The following TRERF1 variants were observed in gnomAD, a reference collection of about 807,000 sequenced individuals.
TRERF1 encodes the protein transcriptional regulating factor 1, also known as transcriptional-regulating factor 1.
Under a neutral mutation model 122.9 loss-of-function variants are expected in TRERF1, and 27 were observed. The ratio of observed to expected loss-of-function variants is 0.22; its 90% CI spans 0.16 to 0.30. The LOEUF is 0.30. TRERF1 is among the 10% of genes least tolerant of loss of function. The pLI, the probability that TRERF1 is intolerant of heterozygous loss-of-function variation, is 1.00. For synonymous variants in TRERF1, 636 were observed against 641.7 expected (o/e 0.99, Z 0.13); for missense variants, 1,248 against 1,560.3 (o/e 0.80, Z 3.37).
At chr6:42,299,067 C>G (rs4714593) in intron 4 of TRERF1, among the ~76,000 whole-genome samples, 1 of 141,568 alleles carries the variant, frequency 7.1e-6, no homozygotes, top group South Asian at 2.1e-4. Flanking sequence ...AGAGCAAGAC[C>G]CTGTCTCTAA....
Position 42,413,453 on chromosome 6 carries a change from CAG to C in TRERF1, c.-454+37722_-454+37723del, listed in dbSNP as rs1157990579. ...ATTTTTTTTTTTTTTTTTTTTGAGA[CAG>C]AGTCTTACTCTGTCACCAGGCTGGA... On this transcript the variant is annotated intron_variant, in intron 2 of 17. Transcript: ENST00000372922. Among the ~76,000 whole-genome samples the C allele has an allele frequency of 3.4e-4, 43 of 127,648 alleles. 1 individual carries two copies. Among genetic ancestry groups the C allele is most frequent in the Admixed American group, 1.6e-3 (18 of 11,602 alleles). 83.7% of individuals were successfully genotyped at this position (127,648 alleles called of 152,430 possible). A position where few individuals can be genotyped will look rare whatever the true frequency, so the allele number is the denominator to read the frequency against.
chr6:42,365,931 C>A (rs1772639398), intron 2 of TRERF1, among the ~76,000 whole-genome samples: 1 of 152,214 alleles, frequency 6.6e-6, no homozygotes, highest in Admixed American at 6.5e-5. Flanking sequence ...ACATTCCAAG[C>A]TCCACAGCCA....
chr6:42,337,582 C>T (rs1186789962), intron 3 of TRERF1, among the ~76,000 whole-genome samples: 5 of 152,082 alleles, frequency 3.3e-5, no homozygotes, highest in Non-Finnish European at 5.9e-5. Context: ...GACAGGCACG[C>T]GTAATGTGAG....
intron 15 of TRERF1, 35 bp downstream of exon 15, chr6:42,243,213 C>G (rs2295276): frequency 0.17 from 274,789 of 1,579,380 alleles, 28,808 homozygotes; most frequent in African/African-American, 0.49. Flanking sequence ...TGGGAGCTGT[C>G]CCAGCACAAG....
chr6:42,398,167 T>C (rs1778894709), intron 2 of TRERF1, among the ~76,000 whole-genome samples: 1 of 152,212 alleles, frequency 6.6e-6, no homozygotes, highest in South Asian at 2.1e-4. Context: ...GTGCCCCTGA[T>C]TAGATGATGT....
intron 3 of TRERF1, among the ~76,000 whole-genome samples, chr6:42,302,949 C>T (rs1786485147): frequency 6.6e-6 from 1 of 152,208 alleles, no homozygotes; most frequent in African/African-American, 2.4e-5. Flanking sequence ...CTTTTATTAG[C>T]CATCTATTGT....
At chr6:42,412,707 T>G (rs1277958107) in intron 2 of TRERF1, among the ~76,000 whole-genome samples, 1 of 152,110 alleles carries the variant, frequency 6.6e-6, no homozygotes, top group Non-Finnish European at 1.5e-5. Flanking sequence ...GGAGGATCAC[T>G]TGAGGCCAGG....
chr6:42,228,700 T>C lies in TRERF1; in HGVS notation c.3279-31A>G. ...AATAAAGAAAGAGAGGTGTGTAGAA[T>C]TTAGAAGGAGATCTGAGTTCTTGGA... On this transcript the variant is annotated intron_variant, in intron 17 of 17. Transcript: ENST00000372922. The surrounding 1 kb of genome is among the most constrained non-coding windows in gnomAD (Gnocchi z 4.2). 6.5e-7 allele frequency: 1 copy of C among 1,548,658 alleles called. No homozygotes were observed. The highest frequency in any genetic ancestry group is 8.7e-7 in the Non-Finnish European group (1 of 1,149,978).
intron 16 of TRERF1, among the ~76,000 whole-genome samples, chr6:42,233,687 A>C (rs1771362814): frequency 6.6e-6 from 1 of 151,960 alleles, no homozygotes; most frequent in Non-Finnish European, 1.5e-5. Context: ...ATCAGGTCTT[A>C]CTAAAAAAAC....
At chr6:42,331,451 T>C (rs1462157046) in intron 3 of TRERF1, among the ~76,000 whole-genome samples, 1 of 152,216 alleles carries the variant, frequency 6.6e-6, no homozygotes, top group Non-Finnish European at 1.5e-5. Context: ...TCCACCTGCC[T>C]GCACTTTGCA....
chr6:42,413,517 C>T (rs1781411744), intron 2 of TRERF1, among the ~76,000 whole-genome samples: 1 of 151,542 alleles, frequency 6.6e-6, no homozygotes, highest in African/African-American at 2.4e-5. Context: ...GCAACCTCCG[C>T]CTCTTGGGTT....
intron 3 of TRERF1, among the ~76,000 whole-genome samples, chr6:42,329,716 C>T (rs959394381): frequency 6.6e-6 from 1 of 152,118 alleles, no homozygotes; most frequent in African/African-American, 2.4e-5. Flanking sequence ...TTTGGCTGGG[C>T]ACGGTGGCTC....
intron 3 of TRERF1, among the ~76,000 whole-genome samples, chr6:42,319,890 T>C (rs1763114863): frequency 6.6e-6 from 1 of 151,088 alleles, no homozygotes; most frequent in Non-Finnish European, 1.5e-5. Context: ...ATACATTATA[T>C]CATTATTATT....
intron 3 of TRERF1, among the ~76,000 whole-genome samples, chr6:42,340,026 GCAC>G (rs1766951532): frequency 6.6e-6 from 1 of 152,014 alleles, no homozygotes; most frequent in Admixed American, 6.6e-5. Flanking sequence ...TGTCCAAATG[GCAC>G]CACGTCTTTC....
chr6:42,430,181 A>C (rs1784281054), intron 2 of TRERF1, among the ~76,000 whole-genome samples: 2 of 151,940 alleles, frequency 1.3e-5, no homozygotes, highest in Middle Eastern at 3.2e-3. Context: ...GATGGGTTGT[A>C]AGCAGGAGAG....
intron 6 of TRERF1, among the ~76,000 whole-genome samples, chr6:42,265,542 A>G (rs1196722357): frequency 6.6e-6 from 1 of 152,208 alleles, no homozygotes; most frequent in Non-Finnish European, 1.5e-5. Flanking sequence ...GTATAGGCAC[A>G]TCGTAATCAC....
chr6:42,293,924 C>T (rs538295977), intron 4 of TRERF1, among the ~76,000 whole-genome samples: 4 of 152,220 alleles, frequency 2.6e-5, no homozygotes, highest in South Asian at 4.1e-4. Context: ...CTCTGTTGGA[C>T]GAATCCCCTG....
chr6:42,384,379 G>A (rs1776441866), intron 2 of TRERF1, among the ~76,000 whole-genome samples: 1 of 152,148 alleles, frequency 6.6e-6, no homozygotes, highest in African/African-American at 2.4e-5. Flanking sequence ...TGCTAGGTAA[G>A]ACAAGCAAGC....
chr6:42,372,007 C>T (rs1295293597), intron 2 of TRERF1, among the ~76,000 whole-genome samples: 16 of 152,050 alleles, frequency 1.1e-4, no homozygotes, highest in Non-Finnish European at 1.5e-5. Flanking sequence ...CATGGTGAAA[C>T]CCCGTCTCTA....
Sources: gnomAD v4.1 joint callset for allele counts (sites outside exome capture counted in the v4.1 genomes callset) on GRCh38, gnomAD v4.1.1 for gene constraint, Gnocchi (gnomAD v3.1) non-coding constraint, MANE v1.5 for transcripts, NCBI Gene and HGNC (gene_info 2026-07-23, HGNC 2026-07-21) for gene names.